The following SLC29A3 variants were observed in gnomAD, a reference collection of about 807,000 sequenced individuals.
The protein encoded by SLC29A3 is equilibrative nucleoside transporter 3.
In SLC29A3, 18 loss-of-function variants were observed where a neutral mutation model predicts 25.4. That is an observed-to-expected ratio of 0.71 (90% confidence interval 0.49 to 1.05). The LOEUF (loss-of-function observed/expected upper bound fraction) is 1.05, where lower values mean the gene tolerates loss of function less well. Among genes scored for constraint, SLC29A3 ranks in the 50% least tolerant of loss-of-function variants. The pLI, the probability that SLC29A3 is intolerant of heterozygous loss-of-function variation, is 0.00. For synonymous variants in SLC29A3, 258 were observed against 267.1 expected (o/e 0.97, Z 0.33); for missense variants, 586 against 609.0 (o/e 0.96, Z 0.40).
chr10:71,331,571 G>A (rs369950410), intron 2 of SLC29A3, among the ~76,000 whole-genome samples: 3 of 152,262 alleles, frequency 2.0e-5, no homozygotes, highest in African/African-American at 7.2e-5. Context: ...AAGGGTTCCA[G>A]AAAAAGATGC....
intron 2 of SLC29A3, among the ~76,000 whole-genome samples, chr10:71,338,391 G>A (rs1846309271): frequency 6.6e-6 from 1 of 152,224 alleles, no homozygotes. Flanking sequence ...GGAATGGGCG[G>A]TGGGATTTGA....
intron 2 of SLC29A3, 143 bp from the exon 3 acceptor site, chr10:71,344,065 TG>T: frequency 2.7e-6 from 2 of 727,384 alleles, no homozygotes; most frequent in Admixed American, 3.9e-5. Context: ...GGGCCTTGTT[TG>T]GAGGTGGGCT....
intron 4 of SLC29A3, among the ~76,000 whole-genome samples, chr10:71,352,112 C>G (rs896039367): frequency 2.5e-4 from 38 of 152,100 alleles, no homozygotes; most frequent in Admixed American, 2.5e-3. Flanking sequence ...GGAAGCTTAG[C>G]CAGGGCTGGG....
At chr10:71,369,476 T>A (rs1172014465) in intron 3 of SLC29A3, among the ~76,000 whole-genome samples, 1 of 152,102 alleles carries the variant, frequency 6.6e-6, no homozygotes. Context: ...TATGGAATGG[T>A]GAAGTAAAAA....
downstream of SLC29A3, among the ~76,000 whole-genome samples, chr10:71,363,663 G>C (rs1564544513): frequency 6.6e-6 from 1 of 151,902 alleles, no homozygotes; most frequent in Non-Finnish European, 1.5e-5. Flanking sequence ...CATAGAGATG[G>C]GGTATTACTA....
intron 2 of SLC29A3, among the ~76,000 whole-genome samples, chr10:71,343,794 A>G (rs1846480613): frequency 6.6e-6 from 1 of 152,174 alleles, no homozygotes; most frequent in African/African-American, 2.4e-5. Flanking sequence ...CTAAAAACTT[A>G]AAAACAAAAA....
intron 3 of SLC29A3, among the ~76,000 whole-genome samples, chr10:71,368,536 G>T (rs1231985599): frequency 6.6e-6 from 1 of 152,202 alleles, no homozygotes; most frequent in Non-Finnish European, 1.5e-5. Context: ...AGGCATGCCT[G>T]ACCTGGGGGC....
intron 5 of SLC29A3, among the ~76,000 whole-genome samples, chr10:71,357,394 G>A (rs912408073): frequency 6.6e-6 from 1 of 151,736 alleles, no homozygotes; most frequent in Non-Finnish European, 1.5e-5. Flanking sequence ...CAGCCTGGGC[G>A]ACAGAGCAAG....
intron 2 of SLC29A3, among the ~76,000 whole-genome samples, chr10:71,336,814 A>G (rs1846265465): frequency 1.3e-5 from 2 of 152,080 alleles, no homozygotes; most frequent in South Asian, 2.1e-4. Flanking sequence ...TCCAGAAGAC[A>G]GGAACTTTGC....
rs1404473898 is a variant in SLC29A3, at chr10:71,362,760, G to A, written c.*152G>A. 7 of 952,298 alleles carry A rather than the reference G, an allele frequency of 7.4e-6. No homozygotes were observed. Among genetic ancestry groups the A allele is most frequent in the Non-Finnish European group, 9.8e-6 (6 of 611,380 alleles). 59.0% of individuals were successfully genotyped at this position (952,298 alleles called of 1,614,324 possible). On this transcript the variant is annotated 3_prime_UTR_variant, in exon 6 of 6. Transcript: ENST00000373189. ...GCCTCATCCCTCCCAAGATGCCAGT[G>A]AGCCACGTCCATGCCCATTCCGTGC... is the stretch of plus-strand genomic sequence containing the variant.
chr10:71,378,454 T>C (rs147956564), intron 4 of SLC29A3, among the ~76,000 whole-genome samples: 1 of 152,308 alleles, frequency 6.6e-6, no homozygotes, highest in South Asian at 2.1e-4. Flanking sequence ...GTGAATGCCC[T>C]CAGAAGCAGC....
At chr10:71,327,297 C>G (rs1845995213) in intron 2 of SLC29A3, among the ~76,000 whole-genome samples, 1 of 152,178 alleles carries the variant, frequency 6.6e-6, no homozygotes, top group Admixed American at 6.5e-5. Context: ...TAGAAAGTAT[C>G]CTGCTCACTC....
intron 4 of SLC29A3, among the ~76,000 whole-genome samples, chr10:71,379,073 GT>G (rs1847282184): frequency 1.3e-5 from 2 of 152,222 alleles, no homozygotes; most frequent in South Asian, 4.1e-4. Flanking sequence ...CAATGCCTCA[GT>G]TGAGAGGGAG....
intron 2 of SLC29A3, among the ~76,000 whole-genome samples, chr10:71,325,454 C>T (rs908361548): frequency 6.6e-6 from 1 of 152,162 alleles, no homozygotes; most frequent in Non-Finnish European, 1.5e-5. Flanking sequence ...AATACCAATG[C>T]GGGCCACGCC....
At chr10:71,360,140 T>C (rs1338209604) in intron 5 of SLC29A3, among the ~76,000 whole-genome samples, 14 of 135,478 alleles carry the variant, frequency 1.0e-4, no homozygotes, top group East Asian at 4.1e-4. Context: ...TCTTCTTTTT[T>C]TTTTTTTTTT....
At chr10:71,334,644 G>T (rs554022893) in intron 2 of SLC29A3, among the ~76,000 whole-genome samples, 1 of 152,294 alleles carries the variant, frequency 6.6e-6, no homozygotes, top group East Asian at 1.9e-4. Context: ...CTGAGTATTT[G>T]TGGAGAGGAG....
At chr10:71,361,099 G>T (rs1324739496) in intron 5 of SLC29A3, among the ~76,000 whole-genome samples, 1 of 152,186 alleles carries the variant, frequency 6.6e-6, no homozygotes, top group Admixed American at 6.5e-5. Context: ...GTTTGTGTGT[G>T]CATGGAACAG....
chr10:71,343,133 C>T (rs1052585532), intron 2 of SLC29A3, among the ~76,000 whole-genome samples: 1 of 152,152 alleles, frequency 6.6e-6, no homozygotes, highest in African/African-American at 2.4e-5. Flanking sequence ...CCACCATGCC[C>T]GACTAATTTT....
chr10:71,336,078 A>G (rs1166567047), intron 2 of SLC29A3, among the ~76,000 whole-genome samples: 1 of 152,208 alleles, frequency 6.6e-6, no homozygotes, highest in Non-Finnish European at 1.5e-5. Context: ...CTGAAAAGCA[A>G]GGCTCTAGGG....
Sources: gnomAD v4.1 joint callset for allele counts (sites outside exome capture counted in the v4.1 genomes callset) on GRCh38, gnomAD v4.1.1 for gene constraint, MANE v1.5 for transcripts, NCBI Gene and HGNC (gene_info 2026-07-23, HGNC 2026-07-21) for gene names.